The following TFEC variants were observed in gnomAD, a reference collection of about 807,000 sequenced individuals.
TFEC encodes the protein transcription factor EC.
TFEC carries 31 observed loss-of-function variants against 41.6 expected under a neutral mutation model. The ratio of observed to expected loss-of-function variants is 0.74; its 90% confidence interval spans 0.56 to 1.01. The LOEUF (loss-of-function observed/expected upper bound fraction) is 1.01, where lower values mean the gene tolerates loss of function less well. Among genes scored for constraint, TFEC ranks in the 50% least tolerant of loss-of-function variants. The probability of loss-of-function intolerance (pLI) is 0.00; values close to 1 mark genes in which losing one functional copy is unlikely to be tolerated. For synonymous variants in TFEC, 143 were observed against 140.6 expected (o/e 1.02, Z -0.12); for missense variants, 402 against 404.1 (o/e 0.99, Z 0.04).
rs149405407 is a variant in TFEC, at chr7:115,941,968, T to C, written c.588A>G (p.Gln196=). 6.6e-5 allele frequency: 107 copies of C among 1,613,052 alleles called. No homozygotes were observed. The highest frequency in any genetic ancestry group is 8.3e-5 in the Admixed American group (5 of 59,882). The change falls in exon 7 of 8, where the codon CAA becomes CAG. Residue 196 remains glutamine (Q), a synonymous_variant. Transcript: ENST00000265440. Reference sequence around the variant, plus strand: ...TGTGTTCCAATTCTCGGGCTCTCTGTTGTTCTTTTTGTAGCCACTTGATGT... The same window carrying C: ...TGTGTTCCAATTCTCGGGCTCTCTGCTGTTCTTTTTGTAGCCACTTGATGT... The part of the protein sequence containing the change: ...VEYIKWLQKE[Q]QRARELEHRQ...
At chr7:115,974,057 T>A in intron 3 of TFEC, 113 bp downstream of exon 3, 1 of 776,950 alleles carries the variant, frequency 1.3e-6, no homozygotes, top group Non-Finnish European at 2.0e-6. Context: ...TCATCTTTTA[T>A]CTTGTCTGTT....
chr7:116,141,412 C>A (rs1333705512), intron 1 of TFEC, among the ~76,000 whole-genome samples: 1 of 152,102 alleles, frequency 6.6e-6, no homozygotes, highest in Non-Finnish European at 1.5e-5. Flanking sequence ...TGTCTTGCAA[C>A]AAACTATGGA....
At chr7:116,064,382 A>G (rs2131000694) in intron 3 of TFEC, among the ~76,000 whole-genome samples, 1 of 151,000 alleles carries the variant, frequency 6.6e-6, no homozygotes, top group African/African-American at 2.4e-5. Flanking sequence ...AAAATAAAAT[A>G]AAAAATTAAT....
chr7:116,081,326 C>A (rs1797085955), intron 3 of TFEC, among the ~76,000 whole-genome samples: 1 of 151,916 alleles, frequency 6.6e-6, no homozygotes, highest in Non-Finnish European at 1.5e-5. Flanking sequence ...ATAAGTCCAT[C>A]TCATTATCTT....
At chr7:116,105,695 C>T (rs745754477) in intron 3 of TFEC, among the ~76,000 whole-genome samples, 1 of 152,098 alleles carries the variant, frequency 6.6e-6, no homozygotes. Context: ...AGAAGCATCT[C>T]GGAGGTAGCC....
intron 3 of TFEC, among the ~76,000 whole-genome samples, chr7:116,062,293 G>A (rs1420953345): frequency 7.7e-6 from 1 of 129,102 alleles, no homozygotes; most frequent in East Asian, 2.4e-4. Context: ...ATGTTGGCCA[G>A]GCTGGTCTCA....
intron 3 of TFEC, among the ~76,000 whole-genome samples, chr7:116,070,580 G>A (rs757588714): frequency 6.6e-5 from 10 of 151,194 alleles, no homozygotes; most frequent in Non-Finnish European, 1.2e-4. Flanking sequence ...TAAACACATT[G>A]GAAATAAAAA....
intron 3 of TFEC, among the ~76,000 whole-genome samples, chr7:116,078,626 T>G (rs575467850): frequency 4.6e-4 from 70 of 152,054 alleles, no homozygotes; most frequent in Non-Finnish European, 8.8e-4. Flanking sequence ...CCTCCTAGAT[T>G]AAACCAGGAA....
chr7:116,104,113 C>T (rs17138288), intron 3 of TFEC, among the ~76,000 whole-genome samples: 4,326 of 152,240 alleles, frequency 0.028, 221 homozygotes, highest in African/African-American at 0.098. Context: ...CCAGATCCTG[C>T]AATTTATTAT....
intron 1 of TFEC, among the ~76,000 whole-genome samples, chr7:116,026,256 C>T (rs1229702448): frequency 1.3e-5 from 2 of 152,246 alleles, no homozygotes; most frequent in African/African-American, 2.4e-5. Context: ...TTTCGATCCA[C>T]TGGACCTTTT....
At chr7:116,023,190 A>T (rs1255620817) in intron 1 of TFEC, among the ~76,000 whole-genome samples, 1 of 152,194 alleles carries the variant, frequency 6.6e-6, no homozygotes, top group African/African-American at 2.4e-5. Flanking sequence ...AAAGAACTAG[A>T]ATGATTCAAT....
chr7:115,996,712 G>A (rs1192279910), intron 1 of TFEC, among the ~76,000 whole-genome samples: 1 of 151,934 alleles, frequency 6.6e-6, no homozygotes, highest in East Asian at 1.9e-4. Context: ...TGCACTAAAG[G>A]GAGAGTCCTG....
At chr7:116,130,322 C>T (rs757001880) in intron 1 of TFEC, among the ~76,000 whole-genome samples, 2 of 152,176 alleles carry the variant, frequency 1.3e-5, no homozygotes, top group Non-Finnish European at 2.9e-5. Context: ...TTATCCTCAA[C>T]GTGCTCTTTA....
intron 5 of TFEC, among the ~76,000 whole-genome samples, chr7:115,952,945 C>T (rs1422358378): frequency 6.6e-6 from 1 of 152,076 alleles, no homozygotes. Context: ...CAAGCAATTT[C>T]CTCCCTAATT....
At position 116,020,567 on chromosome 7, in the gene TFEC, A is replaced by G. The variant is rs1795357457; in HGVS notation, c.-73+10066T>C. Among the ~76,000 whole-genome samples, 4 of 152,164 alleles carry G rather than the reference A, an allele frequency of 2.6e-5. No individual in the cohort carries two copies. In the South Asian group the frequency reaches 8.3e-4, roughly 31 times the overall value. On this transcript the variant is annotated intron_variant, in intron 1 of 7. Transcript: ENST00000265440. ...GGCTTCTTTGCTAAAAACAATCATA[A>G]TATAATTAGAAAGCATAAACCTGCA... is the stretch of plus-strand genomic sequence containing the variant.
rs1562868427 is a variant in TFEC at position 115,937,189 on chromosome 7, T to C, written c.*3362A>G. 6.6e-6 allele frequency: 1 copy of C among 151,672 alleles called. No homozygotes were observed. The highest frequency in any genetic ancestry group is 1.5e-5 in the Non-Finnish European group (1 of 67,704). The allele number at this position is 151,672 out of a possible 1,614,324, so 9.4% of individuals were successfully genotyped here. A position where few individuals can be genotyped will look rare whatever the true frequency, so the allele number is the denominator to read the frequency against. On this transcript the variant is annotated 3_prime_UTR_variant, in exon 8 of 8. Transcript: ENST00000265440. ...AGAATGAAAAACAATAAAATTATTG[T>C]ATCTTACTTTAAAGGAAGTTTTATT... is the stretch of plus-strand genomic sequence containing the variant.
intron 3 of TFEC, among the ~76,000 whole-genome samples, chr7:116,050,835 G>A (rs1242201745): frequency 1.3e-5 from 2 of 152,190 alleles, no homozygotes; most frequent in Non-Finnish European, 2.9e-5. Context: ...CTGCTATAAA[G>A]ACACATGCAC....
intron 3 of TFEC, among the ~76,000 whole-genome samples, chr7:116,057,928 G>C (rs1796467341): frequency 6.6e-6 from 1 of 151,760 alleles, no homozygotes. Flanking sequence ...ATAAAGATTT[G>C]TTTACTTTGA....
At chr7:115,951,454 C>T (rs908883412) in intron 5 of TFEC, among the ~76,000 whole-genome samples, 4 of 151,996 alleles carry the variant, frequency 2.6e-5, no homozygotes, top group Admixed American at 2.0e-4. Context: ...TTTTGTATCA[C>T]CAGAGAGCTT....
Sources: allele counts gnomAD v4.1 joint callset (sites outside exome capture counted in the v4.1 genomes callset), GRCh38; gene constraint gnomAD v4.1.1; transcripts MANE v1.5; gene names NCBI Gene and HGNC (gene_info 2026-07-23, HGNC 2026-07-21).